Variants in MESD observed in about 807,000 individuals in gnomAD.
MESD encodes the protein mesoderm development LRP chaperone.
MESD carries 7 observed loss-of-function variants against 12.9 expected under a neutral mutation model. That is an observed-to-expected ratio of 0.54 (90% CI 0.31 to 1.02). The LOEUF (loss-of-function observed/expected upper bound fraction) is 1.02, where lower values mean the gene tolerates loss of function less well. Ranked by LOEUF, MESD falls within the 50% of genes least tolerant of loss-of-function variation. MESD has a pLI of 0.05. For synonymous variants in MESD, 126 were observed against 115.6 expected (o/e 1.09, Z -0.58); for missense variants, 342 against 296.7 (o/e 1.15, Z -1.12).
chr15:80,979,997 G>A (rs1902531750), intron 2 of MESD, among the ~76,000 whole-genome samples: 1 of 152,230 alleles, frequency 6.6e-6, no homozygotes, highest in Admixed American at 6.5e-5. Flanking sequence ...GAGCTTAGCA[G>A]CAAGCTGCCC....
chr15:80,965,411 T>C (rs1214151399), intron 3 of MESD, among the ~76,000 whole-genome samples: 1 of 152,238 alleles, frequency 6.6e-6, no homozygotes, highest in Non-Finnish European at 1.5e-5. Flanking sequence ...CTCAAGGATC[T>C]AGAACTAGAA....
Position 80,978,900 on chromosome 15 carries a change from G to T in MESD, c.*319C>A, listed in dbSNP as rs1349424465. ...CCAATCACAGCAGGTGCTTGGAGGG[G>T]AGTGGAATCTCAGTAGAGTTGATGA... On this transcript the variant is annotated 3_prime_UTR_variant, in exon 3 of 3. Transcript: ENST00000261758. The T allele has an allele frequency of 2.7e-6, 1 of 366,768 alleles. No individual in the cohort carries two copies. The highest frequency in any genetic ancestry group is 5.0e-6 in the Non-Finnish European group (1 of 201,838). 22.7% of individuals were successfully genotyped at this position (366,768 alleles called of 1,614,324 possible).
At chr15:80,984,074 T>C (rs1902661276) in intron 1 of MESD, among the ~76,000 whole-genome samples, 1 of 151,988 alleles carries the variant, frequency 6.6e-6, no homozygotes, top group Non-Finnish European at 1.5e-5. Flanking sequence ...CTAATTTTTG[T>C]ATTTTTAGTA....
rs765791324 is a variant in MESD at position 80,989,763 on chromosome 15, G to A, written c.29C>T (p.Ala10Val). ...GTCAGAGGCACAAAGCAGGACCACG[G>A]CCTTGCGCGCCCACCTGGAAGCCGC... MAASRWARK[A>V]VVLLCASDLL... is the part of the protein sequence containing the mutation. The change falls in exon 1 of 3, where the codon GCC becomes GTC. Residue 10 changes from alanine to valine, a missense_variant. Ala to Val is a moderately conservative substitution (Grantham distance 64). Coordinates refer to ENST00000261758, the MANE Select transcript of MESD (RefSeq NM_015154.3). The A allele has an allele frequency of 3.8e-6, 6 of 1,595,552 alleles. No homozygotes were observed. Among genetic ancestry groups the A allele is most frequent in the Admixed American group, 1.7e-5 (1 of 58,904 alleles).
At chr15:80,981,140 T>TA (rs907863085) in intron 2 of MESD, among the ~76,000 whole-genome samples, 17 of 151,222 alleles carry the variant, frequency 1.1e-4, no homozygotes, top group African/African-American at 3.4e-4. Flanking sequence ...TTCTTTACAT[T>TA]AAAAAAATCT....
downstream of MESD, among the ~76,000 whole-genome samples, chr15:80,973,604 C>G (rs1567123036): frequency 6.6e-6 from 1 of 152,180 alleles, no homozygotes; most frequent in South Asian, 2.1e-4. Context: ...ATATGAACTT[C>G]TAAGCACAAG....
chr15:80,972,252 T>C (rs1025977553), downstream of MESD, among the ~76,000 whole-genome samples: 1 of 152,184 alleles, frequency 6.6e-6, no homozygotes, highest in African/African-American at 2.4e-5. Context: ...CAAGGAAAAC[T>C]TGAATATCAA....
At chr15:80,948,344 AG>A (rs1256164917) in exon 5 of MESD, 1 of 278,898 alleles carries the variant, frequency 3.6e-6, no homozygotes, top group African/African-American at 2.2e-5. Context: ...TTCACCTCTC[AG>A]AACTCTTTCT....
At chr15:80,949,099 C>A (rs1901701262) in intron 4 of MESD, 1 of 819,326 alleles carries the variant, frequency 1.2e-6, no homozygotes, top group Non-Finnish European at 2.0e-6. Context: ...TGCCACCTGC[C>A]CCTACTCAAG....
downstream of MESD, among the ~76,000 whole-genome samples, chr15:80,970,992 G>T (rs1387627170): frequency 1.3e-5 from 2 of 152,166 alleles, no homozygotes; most frequent in Admixed American, 6.5e-5. Context: ...GATATCAAGG[G>T]TAAGAAGTTC....
intron 3 of MESD, among the ~76,000 whole-genome samples, chr15:80,964,077 C>G (rs1356350818): frequency 6.6e-6 from 1 of 152,186 alleles, no homozygotes; most frequent in Non-Finnish European, 1.5e-5. Context: ...ATCTAAAAAT[C>G]CCCATTGTCT....
intron 4 of MESD, chr15:80,948,938 C>T: frequency 6.2e-7 from 1 of 1,614,170 alleles, no homozygotes; most frequent in Non-Finnish European, 8.5e-7. Context: ...CAGCTGCCGC[C>T]CGGTGCCACC....
rs114910181 is a variant in MESD at position 80,978,862 on chromosome 15, C to G, written c.*357G>C. The G allele has an allele frequency of 5.5e-3, 1,373 of 250,512 alleles. 18 individuals carry two copies. The highest frequency in any genetic ancestry group is 0.029 in the African/African-American group (1,282 of 44,902). 15.5% of individuals were successfully genotyped at this position (250,512 alleles called of 1,614,324 possible). A position where few individuals can be genotyped will look rare whatever the true frequency, so the allele number is the denominator to read the frequency against. On this transcript the variant is annotated 3_prime_UTR_variant, in exon 3 of 3. Coordinates refer to ENST00000261758, the MANE Select transcript of MESD (RefSeq NM_015154.3). ...CTCTGATCAGAATTTGCTATCTGAT[C>G]AGAGCAGGCCACCCAATCACAGCAG...
At chr15:80,974,868 T>G (rs770447105), downstream of MESD, among the ~76,000 whole-genome samples, 2 of 151,124 alleles carry the variant, frequency 1.3e-5, no homozygotes, top group Admixed American at 6.6e-5. Flanking sequence ...TATTTAAAAT[T>G]TTTAAAATTT....
At position 80,960,919 on chromosome 15, in the gene MESD, G is replaced by A. The variant is rs116803625; in HGVS notation, c.*289-8623C>T. 7.9e-3 allele frequency among the ~76,000 whole-genome samples: 1,210 copies of A among 152,236 alleles called. 19 individuals are homozygous for A. Among genetic ancestry groups the A allele is most frequent in the African/African-American group, 0.027 (1,138 of 41,538 alleles). ...CCAATTGGAGGCACCGTCAACAGAT[G>A]GAAGGGAGGAAGGAAAGTCCTGGGT... On this transcript the variant is annotated intron_variant, in intron 3 of 4. Coordinates refer to the MESD transcript ENST00000561312.
intron 4 of MESD, chr15:80,951,707 C>T (rs571176022): frequency 6.5e-6 from 1 of 153,136 alleles, no homozygotes; most frequent in South Asian, 2.1e-4. Context: ...TACCTAGAGC[C>T]AAGGAAATTG....
At chr15:80,962,618 C>T (rs763914576) in intron 3 of MESD, among the ~76,000 whole-genome samples, 2 of 152,182 alleles carry the variant, frequency 1.3e-5, no homozygotes, top group Non-Finnish European at 2.9e-5. Context: ...TGTAAAAGAA[C>T]AGAAACCACA....
intron 3 of MESD, among the ~76,000 whole-genome samples, chr15:80,962,759 G>T (rs541157131): frequency 1.2e-3 from 181 of 152,278 alleles, no homozygotes; most frequent in Non-Finnish European, 2.0e-3. Context: ...TGAAATGAAG[G>T]CAGAAATAAA....
chr15:80,948,610 C>T (rs1402356759), exon 5 of MESD: 8 of 763,190 alleles, frequency 1.0e-5, no homozygotes, highest in African/African-American at 5.1e-5. Context: ...CCCTGCCTGC[C>T]CCATACAAAC....
Sources: allele counts gnomAD v4.1 joint callset (sites outside exome capture counted in the v4.1 genomes callset), GRCh38; gene constraint gnomAD v4.1.1; transcripts MANE v1.5; gene names NCBI Gene and HGNC (gene_info 2026-07-23, HGNC 2026-07-21).